Variants in SPATC1L observed in about 807,000 individuals in gnomAD.
SPATC1L encodes the protein spermatogenesis and centriole associated 1 like, also known as speriolin-like protein.
A neutral mutation model predicts 21.2 loss-of-function variants in SPATC1L; 20 were observed. That is an observed-to-expected ratio of 0.94 (90% CI 0.66 to 1.37). The LOEUF is 1.37. Among genes scored for constraint, SPATC1L ranks in the 40% most tolerant of loss-of-function variants. The pLI is 0.00. For synonymous variants in SPATC1L, 290 were observed against 234.5 expected, an observed-to-expected ratio of 1.24 and a Z score of -2.16; for missense variants, 499 against 478.7, an observed-to-expected ratio of 1.04 and a Z score of -0.40.
At chr21:46,168,033 C>T (rs2079552843) in intron 3 of SPATC1L, among the ~76,000 whole-genome samples, 2 of 152,168 alleles carry the variant, frequency 1.3e-5, no homozygotes, top group Non-Finnish European at 2.9e-5. Flanking sequence ...ACCGTATCTG[C>T]AAAACATACA....
intron 4 of SPATC1L, 50 bp from the exon 5 acceptor site, chr21:46,161,755 G>C: frequency 6.6e-7 from 1 of 1,504,058 alleles, no homozygotes; most frequent in Non-Finnish European, 8.9e-7. Flanking sequence ...GCCCTCGGAC[G>C]GGGACTTCCA....
intron 2 of SPATC1L, among the ~76,000 whole-genome samples, chr21:46,181,656 G>A (rs905314962): frequency 6.6e-6 from 1 of 152,192 alleles, no homozygotes; most frequent in African/African-American, 2.4e-5. Flanking sequence ...GCCCCTTGGT[G>A]AGTGGCAGAG....
chr21:46,161,279 A>G lies in SPATC1L; in HGVS notation c.*100T>C, dbSNP rs539607226. 224 of 1,176,028 alleles carry G rather than the reference A, an allele frequency of 1.9e-4. 2 individuals are homozygous for G. In the South Asian group the frequency reaches 3.7e-3, roughly 20 times the overall value. The allele number at this position is 1,176,028 out of a possible 1,614,324, so 72.8% of individuals were successfully genotyped here. On this transcript the variant is annotated 3_prime_UTR_variant, in exon 5 of 5. Coordinates refer to ENST00000291672, the MANE Select transcript of SPATC1L (RefSeq NM_001142854.2). ...CCTTCTCTGGCCTCGCGCGCGGGGG[A>G]CGCGGCCCTTTCCCCTCCGGGGGGA... is the stretch of plus-strand genomic sequence containing the variant.
At chr21:46,174,348 A>C (rs111907070) in intron 2 of SPATC1L, among the ~76,000 whole-genome samples, 1,826 of 79,126 alleles carry the variant, frequency 0.023, 49 homozygotes, top group South Asian at 0.065. Context: ...ACAAAACAAA[A>C]AAAAAAAAAA....
At chr21:46,174,332 C>CAAAAAAAAAAAAAAAAAAAAAAAA (rs66721282) in intron 2 of SPATC1L, among the ~76,000 whole-genome samples, 1 of 34,258 alleles carries the variant, frequency 2.9e-5, no homozygotes, top group Admixed American at 3.5e-4. Flanking sequence ...GACTCTGTCT[C>CAAAAAAAAAAAAAAAAAAAAAAAA]AAAAAACAAA....
chr21:46,181,951 A>G (rs2079677291), intron 2 of SPATC1L, among the ~76,000 whole-genome samples: 1 of 152,240 alleles, frequency 6.6e-6, no homozygotes, highest in South Asian at 2.1e-4. Flanking sequence ...AATAAAGCCT[A>G]CTACTTTGCA....
chr21:46,163,332 T>G (rs533743352), intron 3 of SPATC1L, among the ~76,000 whole-genome samples: 34 of 152,366 alleles, frequency 2.2e-4, no homozygotes, highest in African/African-American at 7.9e-4. Context: ...TTTGTTTTTT[T>G]GTTTTGTTTT....
chr21:46,181,540 T>A (rs2079674079), intron 2 of SPATC1L, among the ~76,000 whole-genome samples: 1 of 152,172 alleles, frequency 6.6e-6, no homozygotes, highest in Admixed American at 6.5e-5. Context: ...GGAGAGTGCC[T>A]CCTGCACACT....
intron 2 of SPATC1L, among the ~76,000 whole-genome samples, chr21:46,171,428 CAAA>C (rs10713326): frequency 0.16 from 22,162 of 139,212 alleles, 1,956 homozygotes; most frequent in African/African-American, 0.24. Context: ...GAATCCATCT[CAAA>C]AAAAAAAAAA....
At chr21:46,161,785 C>T (rs1458611162) in intron 4 of SPATC1L, 80 bp from the exon 5 acceptor site, 2 of 1,484,074 alleles carry the variant, frequency 1.3e-6, no homozygotes, top group East Asian at 2.4e-5. Context: ...CCGATCCCTG[C>T]CCCGCCCGCC....
intron 3 of SPATC1L, 68 bp from the exon 4 acceptor site, chr21:46,162,135 C>A: frequency 6.8e-7 from 1 of 1,466,980 alleles, no homozygotes; most frequent in Non-Finnish European, 9.1e-7. Context: ...AGGGTGCCCT[C>A]GGCCACGTGG....
At chr21:46,164,536 G>A (rs780814304) in intron 3 of SPATC1L, among the ~76,000 whole-genome samples, 3 of 151,946 alleles carry the variant, frequency 2.0e-5, no homozygotes, top group Non-Finnish European at 4.4e-5. Flanking sequence ...GCTCATGCCT[G>A]TAATCCCAGC....
chr21:46,177,529 A>G (rs528865037), intron 2 of SPATC1L, among the ~76,000 whole-genome samples: 2 of 152,256 alleles, frequency 1.3e-5, no homozygotes, highest in Non-Finnish European at 2.9e-5. Context: ...CTTATTAAAG[A>G]AATGTAAATA....
chr21:46,176,090 C>A (rs914659158), intron 2 of SPATC1L, among the ~76,000 whole-genome samples: 2 of 152,118 alleles, frequency 1.3e-5, no homozygotes, highest in Non-Finnish European at 2.9e-5. Flanking sequence ...AAGCTTTCAA[C>A]AAAATTCAAC....
chr21:46,172,165 G>A (rs1455254164), intron 2 of SPATC1L, among the ~76,000 whole-genome samples: 1 of 87,772 alleles, frequency 1.1e-5, no homozygotes, highest in African/African-American at 4.9e-5. Flanking sequence ...AGCGTGAGGC[G>A]GGGGATGCAC....
chr21:46,162,086 G>A lies in SPATC1L; in HGVS notation c.545-19C>T. 1 of 1,557,976 alleles carries A rather than the reference G, an allele frequency of 6.4e-7. No homozygotes were observed. Among genetic ancestry groups the A allele is most frequent in the South Asian group, 1.2e-5 (1 of 85,782 alleles). The stretch of plus-strand genomic sequence containing the variant: ...TGGATCTCTGGGGGAGGGAAGGCCG[G>A]GGACAAGGTCAGGGGAGCGCGAGGA... On this transcript the variant is annotated intron_variant, in intron 3 of 4. Coordinates refer to ENST00000291672, the MANE Select transcript of SPATC1L (RefSeq NM_001142854.2).
At position 46,161,368 on chromosome 21, in the gene SPATC1L, C is replaced by A. The variant is rs770195780; in HGVS notation, c.*11G>T. On this transcript the variant is annotated 3_prime_UTR_variant, in exon 5 of 5. Transcript: ENST00000291672. ...CGTTTACTGCAGGCAAGGCGGCGGG[C>A]GCGGGGCGGCTCACCAGGCGAAGAG... 9 of 1,503,176 alleles carry A rather than the reference C, an allele frequency of 6.0e-6. No homozygotes were observed. Among genetic ancestry groups the A allele is most frequent in the Non-Finnish European group, 8.0e-6 (9 of 1,130,676 alleles). The allele number at this position is 1,503,176 out of a possible 1,614,324, so 93.1% of individuals were successfully genotyped here. A position where few individuals can be genotyped will look rare whatever the true frequency, so the allele number is the denominator to read the frequency against.
intron 2 of SPATC1L, among the ~76,000 whole-genome samples, chr21:46,174,339 C>A (rs9982743): frequency 0.74 from 89,486 of 121,280 alleles, 29,801 homozygotes; most frequent in East Asian, 0.9. Flanking sequence ...TCTCAAAAAA[C>A]AAAACAAAAA....
At chr21:46,168,897 G>A (rs1368639690) in intron 2 of SPATC1L, among the ~76,000 whole-genome samples, 1 of 152,190 alleles carries the variant, frequency 6.6e-6, no homozygotes, top group Non-Finnish European at 1.5e-5. Flanking sequence ...GCGTCTATGG[G>A]CACAGCAAGC....
Sources: gnomAD v4.1 joint callset for allele counts (sites outside exome capture counted in the v4.1 genomes callset) on GRCh38, gnomAD v4.1.1 for gene constraint, MANE v1.5 for transcripts, NCBI Gene and HGNC (gene_info 2026-07-23, HGNC 2026-07-21) for gene names.